Variants in GALNTL6 observed in about 807,000 individuals in gnomAD.
GALNTL6 encodes the protein polypeptide N-acetylgalactosaminyltransferase-like 6.
Under a neutral mutation model 73.7 loss-of-function variants are expected in GALNTL6, and 46 were observed. That is an observed-to-expected ratio of 0.62 (90% CI 0.49 to 0.80). The LOEUF is 0.80. Among genes scored for constraint, GALNTL6 ranks in the 30% least tolerant of loss-of-function variants. The probability of loss-of-function intolerance (pLI) is 0.00; values close to 1 mark genes in which losing one functional copy is unlikely to be tolerated. For synonymous variants in GALNTL6, 259 were observed against 263.7 expected (o/e 0.98, Z 0.17); for missense variants, 604 against 755.0 (o/e 0.80, Z 2.34).
At chr4:172,918,262 AG>A (rs1561032945) in intron 8 of GALNTL6, among the ~76,000 whole-genome samples, 9 of 152,270 alleles carry the variant, frequency 5.9e-5, no homozygotes, top group Non-Finnish European at 1.3e-4. Context: ...GGCAAGGGAT[AG>A]CATTAGGAGA....
intron 5 of GALNTL6, among the ~76,000 whole-genome samples, chr4:172,367,967 T>C (rs1043402985): frequency 1.3e-5 from 2 of 152,260 alleles, no homozygotes; most frequent in Non-Finnish European, 2.9e-5. Context: ...TTAATTTTTA[T>C]TCAGTATTAA....
chr4:171,836,839 A>T (rs1181549002), intron 2 of GALNTL6, among the ~76,000 whole-genome samples: 1 of 152,142 alleles, frequency 6.6e-6, no homozygotes, highest in South Asian at 2.1e-4. Context: ...AGGAAAAGGA[A>T]GCTAAGTTTC....
intron 2 of GALNTL6, among the ~76,000 whole-genome samples, chr4:171,904,772 C>A (rs926716432): frequency 8.5e-5 from 13 of 152,144 alleles, no homozygotes; most frequent in Non-Finnish European, 1.8e-4. Flanking sequence ...CAAAGGGAAG[C>A]CCATCAGACT....
chr4:172,447,006 G>A (rs1030693785), intron 5 of GALNTL6, among the ~76,000 whole-genome samples: 8 of 152,114 alleles, frequency 5.3e-5, no homozygotes, highest in African/African-American at 1.9e-4. Context: ...TCCTACTTGA[G>A]GTCCTGGTAA....
intron 2 of GALNTL6, among the ~76,000 whole-genome samples, chr4:171,893,729 A>T (rs1736824683): frequency 6.6e-6 from 1 of 152,164 alleles, no homozygotes; most frequent in Admixed American, 6.6e-5. Context: ...TACTTAGAAA[A>T]ATCACTTTTC....
At chr4:172,775,099 A>T (rs1331159057) in intron 5 of GALNTL6, among the ~76,000 whole-genome samples, 2 of 151,962 alleles carry the variant, frequency 1.3e-5, no homozygotes, top group Non-Finnish European at 2.9e-5. Flanking sequence ...AAAATAAGGA[A>T]ACCTGTTTTT....
chr4:172,478,203 T>C (rs543670013), intron 5 of GALNTL6, among the ~76,000 whole-genome samples: 89 of 152,266 alleles, frequency 5.8e-4, no homozygotes, highest in African/African-American at 1.8e-3. Flanking sequence ...AGAGCCCAAA[T>C]AGCCAAAGCA....
In GALNTL6 at chr4:172,760,531, T is replaced by A. The variant is rs200782422; in HGVS notation, c.554-48830T>A. 2.6e-5 allele frequency among the ~76,000 whole-genome samples: 4 copies of A among 152,340 alleles called. No individual in the cohort carries two copies. The East Asian group carries it at 7.7e-4, about 29-fold the overall frequency. On this transcript the variant is annotated intron_variant, in intron 5 of 12. Coordinates refer to ENST00000506823, the MANE Select transcript of GALNTL6 (RefSeq NM_001034845.3). Reference sequence around the variant, plus strand: ...ATGCTTGCTCTGCTGTGATGACCTCTTTTCTGCTAAGCAGAGTTGTTTTTC... The same window carrying A: ...ATGCTTGCTCTGCTGTGATGACCTCATTTCTGCTAAGCAGAGTTGTTTTTC...
chr4:172,444,425 T>C (rs933140886), intron 5 of GALNTL6, among the ~76,000 whole-genome samples: 3 of 152,164 alleles, frequency 2.0e-5, no homozygotes, highest in African/African-American at 7.2e-5. Context: ...GCCCCCAACA[T>C]CCTGTCTAGA....
At chr4:172,691,729 G>A (rs1733310178) in intron 5 of GALNTL6, among the ~76,000 whole-genome samples, 1 of 152,194 alleles carries the variant, frequency 6.6e-6, no homozygotes, top group Non-Finnish European at 1.5e-5. Flanking sequence ...CTGATACAGA[G>A]ACCTAGGTCA....
chr4:172,116,701 T>A (rs1177009875), intron 2 of GALNTL6, among the ~76,000 whole-genome samples: 1 of 152,162 alleles, frequency 6.6e-6, no homozygotes, highest in East Asian at 1.9e-4. Context: ...TGAAAATAAC[T>A]CCCAGTTACA....
chr4:172,736,483 C>T (rs938138985), intron 5 of GALNTL6, among the ~76,000 whole-genome samples: 1 of 152,168 alleles, frequency 6.6e-6, no homozygotes, highest in African/African-American at 2.4e-5. Flanking sequence ...TTTCAAGGTG[C>T]CCAGATTTCA....
At chr4:172,863,078 A>G (rs1652963995) in intron 7 of GALNTL6, among the ~76,000 whole-genome samples, 1 of 152,234 alleles carries the variant, frequency 6.6e-6, no homozygotes, top group African/African-American at 2.4e-5. Flanking sequence ...TCAAGAACTC[A>G]GGTTTGGAAA....
At chr4:172,006,446 A>C (rs948879701) in intron 2 of GALNTL6, among the ~76,000 whole-genome samples, 1 of 151,996 alleles carries the variant, frequency 6.6e-6, no homozygotes, top group African/African-American at 2.4e-5. Flanking sequence ...TAGGCAACAT[A>C]GTGAGACCCT....
Position 172,813,736 on chromosome 4 carries a change from CA to C in GALNTL6, c.923+15del. On this transcript the variant is annotated intron_variant, in intron 7 of 12. Coordinates refer to ENST00000506823, the MANE Select transcript of GALNTL6 (RefSeq NM_001034845.3). ...GCGACCCTTTTGAGTGAGTAGCAGCCAAGGGAGGGGCCGAGGGGGTGAGGGC... is the reference window on the plus strand; with the variant it reads ...GCGACCCTTTTGAGTGAGTAGCAGCCAGGGAGGGGCCGAGGGGGTGAGGGC... 6.3e-7 allele frequency: 1 copy of C among 1,583,570 alleles called. No individual in the cohort carries two copies. The highest frequency in any genetic ancestry group is 8.6e-7 in the Non-Finnish European group (1 of 1,156,752).
chr4:172,564,570 C>T (rs996399349), intron 5 of GALNTL6, among the ~76,000 whole-genome samples: 5 of 152,172 alleles, frequency 3.3e-5, no homozygotes, highest in Admixed American at 1.3e-4. Context: ...GGAATGTATA[C>T]TGTAATTACC....
intron 5 of GALNTL6, among the ~76,000 whole-genome samples, chr4:172,452,368 C>T (rs1012928818): frequency 1.3e-4 from 19 of 141,680 alleles, no homozygotes; most frequent in African/African-American, 5.1e-4. Flanking sequence ...AAAACAGCAG[C>T]GAAAGAAAAA....
At chr4:172,336,518 G>T (rs548136085) in intron 4 of GALNTL6, among the ~76,000 whole-genome samples, 2 of 150,166 alleles carry the variant, frequency 1.3e-5, no homozygotes, top group African/African-American at 2.5e-5. Context: ...CTCAGGATCC[G>T]CCCACCTCGG....
At chr4:172,426,139 C>T (rs111782453) in intron 5 of GALNTL6, among the ~76,000 whole-genome samples, 20 of 152,122 alleles carry the variant, frequency 1.3e-4, no homozygotes, top group South Asian at 8.3e-4. Flanking sequence ...AAGATCAGGA[C>T]GGCACTCAAA....
Sources: allele counts gnomAD v4.1 joint callset (sites outside exome capture counted in the v4.1 genomes callset), GRCh38; gene constraint gnomAD v4.1.1; transcripts MANE v1.5; gene names NCBI Gene and HGNC (gene_info 2026-07-23, HGNC 2026-07-21).